VEPH1: variants seen among roughly 807,000 people sequenced by gnomAD.
VEPH1 encodes the protein ventricular zone expressed PH domain containing 1, also known as ventricular zone-expressed PH domain-containing protein homolog 1.
A neutral mutation model predicts 85.2 loss-of-function variants in VEPH1; 80 were observed. The observed-to-expected ratio is 0.94, with a 90% CI of 0.78 to 1.13. VEPH1 has a LOEUF of 1.13. Ranked by LOEUF, VEPH1 falls within the 50% of genes most tolerant of loss-of-function variation. VEPH1 has a pLI of 0.00. For missense variants in VEPH1, 955 were observed against 980.5 expected (o/e 0.97, Z 0.35); for synonymous variants, 297 against 348.0 (o/e 0.85, Z 1.63).
intron 12 of VEPH1, among the ~76,000 whole-genome samples, chr3:157,269,642 G>GTTTTTTTTTTTTTTTTTTTTTTTTTGGT (rs11408861): frequency 8.7e-6 from 1 of 115,456 alleles, no homozygotes; most frequent in Non-Finnish European, 1.7e-5. Flanking sequence ...TGTTTTTGTT[G>GTTTTTTTTTTTTTTTTTTTTTTTTTGGT]TTTTTTTTTT....
chr3:157,462,581 T>C (rs1735984081), intron 3 of VEPH1, among the ~76,000 whole-genome samples: 1 of 152,194 alleles, frequency 6.6e-6, no homozygotes, highest in South Asian at 2.1e-4. Flanking sequence ...CACTCAAATG[T>C]ATGTTCCTTA....
chr3:157,442,451 T>TATGAGGC, intron 4 of VEPH1: 4 of 1,614,218 alleles, frequency 2.5e-6, no homozygotes, highest in Non-Finnish European at 3.4e-6. Context: ...GGCTTGAGTC[T>TATGAGGC]TTTAGTGCCT....
chr3:157,259,996 G>T lies in VEPH1; in HGVS notation c.*1138C>A, dbSNP rs977895315. 2 of 152,118 alleles carry T rather than the reference G, an allele frequency of 1.3e-5. No individual in the cohort carries two copies. The highest frequency in any genetic ancestry group is 4.8e-5 in the African/African-American group (2 of 41,436). 9.4% of individuals were successfully genotyped at this position (152,118 alleles called of 1,614,324 possible). A position where few individuals can be genotyped will look rare whatever the true frequency, so the allele number is the denominator to read the frequency against. On this transcript the variant is annotated 3_prime_UTR_variant, in exon 14 of 14. Coordinates refer to ENST00000362010, the MANE Select transcript of VEPH1 (RefSeq NM_001167912.2). The stretch of plus-strand genomic sequence containing the variant: ...CTAATAGGAGAGAGAGTCTCTGACT[G>T]GTTCACTCTCTTTTAAAGGACTAGT...
chr3:157,358,944 C>T (rs1171363468), intron 9 of VEPH1, among the ~76,000 whole-genome samples: 1 of 151,810 alleles, frequency 6.6e-6, no homozygotes, highest in South Asian at 2.1e-4. Flanking sequence ...TGCAGTGAGC[C>T]GAGATTGTGC....
At chr3:157,407,303 C>G (rs771896885) in intron 6 of VEPH1, among the ~76,000 whole-genome samples, 23 of 152,142 alleles carry the variant, frequency 1.5e-4, no homozygotes, top group Non-Finnish European at 2.2e-4. Context: ...GTTTATATAG[C>G]TGGGGAGGTG....
chr3:157,408,428 T>C (rs1209936299), intron 6 of VEPH1, among the ~76,000 whole-genome samples: 2 of 152,124 alleles, frequency 1.3e-5, no homozygotes, highest in Admixed American at 1.3e-4. Context: ...ACAGACTTGA[T>C]GGAATCAAAG....
chr3:157,329,643 A>G (rs1722296894), intron 9 of VEPH1, among the ~76,000 whole-genome samples: 1 of 150,894 alleles, frequency 6.6e-6, no homozygotes, highest in South Asian at 2.1e-4. Flanking sequence ...ACTATTTCTG[A>G]TTAATTAGTT....
At chr3:157,456,238 T>G (rs1735368723) in intron 4 of VEPH1, among the ~76,000 whole-genome samples, 1 of 152,208 alleles carries the variant, frequency 6.6e-6, no homozygotes, top group African/African-American at 2.4e-5. Flanking sequence ...TTCTTTAAGT[T>G]TCTTATAGAT....
chr3:157,440,744 A>T (rs761252806), intron 4 of VEPH1, among the ~76,000 whole-genome samples: 5 of 152,036 alleles, frequency 3.3e-5, no homozygotes, highest in African/African-American at 2.4e-5. Flanking sequence ...GGGACACGTA[A>T]AAGGTTTTCG....
chr3:157,365,348 G>A (rs151291720), intron 7 of VEPH1, among the ~76,000 whole-genome samples: 344 of 152,182 alleles, frequency 2.3e-3, no homozygotes, highest in African/African-American at 7.9e-3. Context: ...TTTTTATAAC[G>A]TATGGTGTTA....
chr3:157,304,038 T>TATATATATATATATATATATACACAC lies in VEPH1; in HGVS notation c.2010+9582_2010+9583insGTGTGTATATATATATATATATATAT. Among the ~76,000 whole-genome samples the TATATATATATATATATATATACACAC allele has an allele frequency of 2.6e-3, 249 of 96,856 alleles. 24 individuals carry two copies. Among genetic ancestry groups the TATATATATATATATATATATACACAC allele is most frequent in the East Asian group, 9.2e-3 (25 of 2,706 alleles). The allele number at this position is 96,856 out of a possible 152,430, so 63.5% of individuals were successfully genotyped here. A position where few individuals can be genotyped will look rare whatever the true frequency, so the allele number is the denominator to read the frequency against. The stretch of plus-strand genomic sequence containing the variant: ...CTTATATTTTTTATATATATATATA[T>TATATATATATATATATATATACACAC]ACACACATACTGTTACATCTTATAT... On this transcript the variant is annotated intron_variant, in intron 11 of 13. Transcript: ENST00000362010.
chr3:157,366,903 G>T (rs1463320950), intron 7 of VEPH1, among the ~76,000 whole-genome samples: 1 of 152,160 alleles, frequency 6.6e-6, no homozygotes, highest in Non-Finnish European at 1.5e-5. Flanking sequence ...GCGTTAGCAG[G>T]GTTGGATAGT....
chr3:157,359,319 C>T (rs1339098623), intron 9 of VEPH1, among the ~76,000 whole-genome samples: 2 of 152,162 alleles, frequency 1.3e-5, no homozygotes, highest in African/African-American at 4.8e-5. Context: ...TTAAAATGCC[C>T]TTTGGCACAT....
chr3:157,274,702 G>A (rs1244817279), intron 12 of VEPH1, among the ~76,000 whole-genome samples: 1 of 152,072 alleles, frequency 6.6e-6, no homozygotes, highest in Non-Finnish European at 1.5e-5. Flanking sequence ...GTCTTACCAT[G>A]CTGCCCAGGC....
intron 11 of VEPH1, among the ~76,000 whole-genome samples, chr3:157,311,877 T>A (rs1399194018): frequency 6.6e-6 from 1 of 152,224 alleles, no homozygotes; most frequent in Non-Finnish European, 1.5e-5. Flanking sequence ...TCCATTTTAC[T>A]CTACACTGAG....
chr3:157,320,223 A>G (rs1721211527), intron 9 of VEPH1, among the ~76,000 whole-genome samples: 1 of 152,172 alleles, frequency 6.6e-6, no homozygotes, highest in Admixed American at 6.5e-5. Flanking sequence ...ATCTGAACTT[A>G]CAACAATGGT....
At chr3:157,356,383 C>T (rs1312526273) in intron 9 of VEPH1, among the ~76,000 whole-genome samples, 1 of 151,848 alleles carries the variant, frequency 6.6e-6, no homozygotes, top group Non-Finnish European at 1.5e-5. Flanking sequence ...GACTCATCTG[C>T]TGTAAATATG....
At chr3:157,483,798 A>T (rs968667022) in intron 2 of VEPH1, among the ~76,000 whole-genome samples, 2 of 152,200 alleles carry the variant, frequency 1.3e-5, no homozygotes, top group Non-Finnish European at 2.9e-5. Context: ...TTTTTGTACT[A>T]TTATGTTCTC....
chr3:157,358,443 T>C (rs1725679497), intron 9 of VEPH1, among the ~76,000 whole-genome samples: 1 of 152,246 alleles, frequency 6.6e-6, no homozygotes, highest in Admixed American at 6.5e-5. Context: ...AATTCTTCTC[T>C]GGCTCCAAAT....
Sources: gnomAD v4.1 joint callset for allele counts (sites outside exome capture counted in the v4.1 genomes callset) on GRCh38, gnomAD v4.1.1 for gene constraint, MANE v1.5 for transcripts, NCBI Gene and HGNC (gene_info 2026-07-23, HGNC 2026-07-21) for gene names.